The following SCHIP1 variants were observed in gnomAD, a reference collection of about 807,000 sequenced individuals.
The protein encoded by SCHIP1 is schwannomin interacting protein 1.
Under a neutral mutation model 29.7 loss-of-function variants are expected in SCHIP1, and 8 were observed. The ratio of observed to expected loss-of-function variants is 0.27; its 90% CI spans 0.16 to 0.49. SCHIP1 has a LOEUF of 0.49. Ranked by LOEUF, SCHIP1 falls within the 20% of genes least tolerant of loss-of-function variation. The pLI is 0.99. For synonymous variants in SCHIP1, 76 were observed against 94.9 expected, an observed-to-expected ratio of 0.80 and a Z score of 1.16; for missense variants, 193 against 294.6, an observed-to-expected ratio of 0.66 and a Z score of 2.52.
the SCHIP1 span, among the ~76,000 whole-genome samples, chr3:159,402,074 A>C: frequency 3.3e-5 from 5 of 152,200 alleles, no homozygotes; most frequent in African/African-American, 1.2e-4. Context: ...GAACTCAAAC[A>C]AATTTACAAG....
the SCHIP1 span, among the ~76,000 whole-genome samples, chr3:159,293,020 C>T: frequency 6.6e-6 from 1 of 152,138 alleles, no homozygotes; most frequent in Non-Finnish European, 1.5e-5. Context: ...ATGGTCATCT[C>T]AACACCATAT....
At chr3:159,297,307 A>G in the SCHIP1 span, among the ~76,000 whole-genome samples, 1 of 152,204 alleles carries the variant, frequency 6.6e-6, no homozygotes, top group Admixed American at 6.5e-5. Context: ...TGCTGTAGAT[A>G]TAAACCCAGA....
the SCHIP1 span, among the ~76,000 whole-genome samples, chr3:159,474,165 A>AT: frequency 1.1e-3 from 169 of 152,262 alleles, no homozygotes; most frequent in South Asian, 1.9e-3. Flanking sequence ...TGTTATATAG[A>AT]TATGAGACCA....
chr3:159,279,167 A>G, the SCHIP1 span, among the ~76,000 whole-genome samples: 5 of 152,150 alleles, frequency 3.3e-5, no homozygotes, highest in Non-Finnish European at 7.4e-5. Context: ...AGAGGACCCA[A>G]TGGAGGGTAA....
At chr3:159,678,667 T>G in the SCHIP1 span, among the ~76,000 whole-genome samples, 1 of 152,220 alleles carries the variant, frequency 6.6e-6, no homozygotes, top group East Asian at 1.9e-4. Flanking sequence ...GAAGGGAAAC[T>G]TACTGTATTA....
the SCHIP1 span, among the ~76,000 whole-genome samples, chr3:159,290,077 C>T: frequency 1.3e-5 from 2 of 151,944 alleles, no homozygotes; most frequent in African/African-American, 4.8e-5. Flanking sequence ...AGACCTAAGA[C>T]GATGACATTG....
chr3:159,765,082 C>T, the SCHIP1 span: 1 of 1,570,668 alleles, frequency 6.4e-7, no homozygotes, highest in Non-Finnish European at 8.6e-7. Flanking sequence ...GGCCGGGCTG[C>T]AGTTCCGGGA....
the SCHIP1 span, among the ~76,000 whole-genome samples, chr3:159,577,320 T>G: frequency 6.6e-6 from 1 of 152,172 alleles, no homozygotes; most frequent in Non-Finnish European, 1.5e-5. Context: ...CACTCTGTGC[T>G]TTATCTTGCA....
At chr3:159,866,687 A>G (rs1477799847) in intron 2 of SCHIP1, among the ~76,000 whole-genome samples, 1 of 152,176 alleles carries the variant, frequency 6.6e-6, no homozygotes, top group African/African-American at 2.4e-5. Context: ...ATTGCAATAA[A>G]TACTCGTAAC....
the SCHIP1 span, among the ~76,000 whole-genome samples, chr3:159,585,163 T>C: frequency 1.3e-5 from 2 of 152,146 alleles, no homozygotes; most frequent in African/African-American, 2.4e-5. Context: ...AATTGACTTC[T>C]GTATTATGGT....
chr3:159,864,066 C>T (rs1203194170), intron 1 of SCHIP1, among the ~76,000 whole-genome samples: 2 of 152,088 alleles, frequency 1.3e-5, no homozygotes, highest in African/African-American at 2.4e-5. Flanking sequence ...CAGTTTTCTG[C>T]CTGTTGAGGA....
At chr3:159,285,981 T>C in the SCHIP1 span, among the ~76,000 whole-genome samples, 3 of 152,172 alleles carry the variant, frequency 2.0e-5, no homozygotes, top group Non-Finnish European at 4.4e-5. Context: ...TCAAGAACTA[T>C]TTTTTGACAT....
chr3:159,548,122 T>C, the SCHIP1 span, among the ~76,000 whole-genome samples: 1 of 152,090 alleles, frequency 6.6e-6, no homozygotes, highest in South Asian at 2.1e-4. Flanking sequence ...TGAGTAAGTT[T>C]GGCCAGAAAT....
At chr3:159,417,880 A>G in the SCHIP1 span, among the ~76,000 whole-genome samples, 1 of 152,170 alleles carries the variant, frequency 6.6e-6, no homozygotes, top group Non-Finnish European at 1.5e-5. Context: ...GCCAGGGTAT[A>G]TGAGGCACAT....
the SCHIP1 span, among the ~76,000 whole-genome samples, chr3:159,552,830 G>T: frequency 6.6e-6 from 1 of 152,136 alleles, no homozygotes. Context: ...TTGATTTGAA[G>T]AACTTCCTTT....
At chr3:159,704,982 A>G in the SCHIP1 span, among the ~76,000 whole-genome samples, 7 of 126,250 alleles carry the variant, frequency 5.5e-5, no homozygotes, top group African/African-American at 1.7e-4. Flanking sequence ...TTGTTTTTTT[A>G]GAGGGAGTCT....
chr3:159,621,911 C>T, the SCHIP1 span, among the ~76,000 whole-genome samples: 1 of 152,154 alleles, frequency 6.6e-6, no homozygotes, highest in African/African-American at 2.4e-5. Flanking sequence ...GGTGATCTGC[C>T]TGCCTCGGCC....
the SCHIP1 span, among the ~76,000 whole-genome samples, chr3:159,531,046 G>A: frequency 6.6e-6 from 1 of 152,174 alleles, no homozygotes; most frequent in African/African-American, 2.4e-5. Flanking sequence ...CTGTTTGTTT[G>A]TGGACATATG....
chr3:159,541,114 C>T, the SCHIP1 span, among the ~76,000 whole-genome samples: 4 of 152,096 alleles, frequency 2.6e-5, no homozygotes, highest in Non-Finnish European at 5.9e-5. Context: ...AATAAAGACA[C>T]TCAACAGAAG....
Sources: gnomAD v4.1 joint callset for allele counts (sites outside exome capture counted in the v4.1 genomes callset) on GRCh38, gnomAD v4.1.1 for gene constraint, MANE v1.5 for transcripts, NCBI Gene and HGNC (gene_info 2026-07-23, HGNC 2026-07-21) for gene names.